Variants in TCF3 observed in about 807,000 individuals in gnomAD.
The protein encoded by TCF3 is transcription factor E2-alpha.
In TCF3, 54 loss-of-function variants were observed where a neutral mutation model predicts 72.3. The observed-to-expected ratio is 0.75, with a 90% confidence interval of 0.60 to 0.94. TCF3 has a LOEUF of 0.94. Among genes scored for constraint, TCF3 ranks in the 40% least tolerant of loss-of-function variants. TCF3 has a pLI of 0.00. For missense variants in TCF3, 1,078 were observed against 934.4 expected (o/e 1.15, Z -2.00); for synonymous variants, 525 against 412.6 (o/e 1.27, Z -3.30).
chr19:1,632,430 T>C (rs761015530), intron 3 of TCF3, 25 bp from the exon 4 acceptor site: 76 of 1,574,332 alleles, frequency 4.8e-5, no homozygotes, highest in Non-Finnish European at 6.2e-5. Flanking sequence ...GAGAGAGTTA[T>C]GGGTCACCCT....
At chr19:1,631,076 A>T (rs538152493) in intron 5 of TCF3, among the ~76,000 whole-genome samples, 3 of 152,264 alleles carry the variant, frequency 2.0e-5, no homozygotes, top group African/African-American at 7.2e-5. Context: ...GGGCTGGAAT[A>T]TACCCAAGAC....
chr19:1,642,103 G>A (rs2065330025), intron 3 of TCF3, among the ~76,000 whole-genome samples: 1 of 150,950 alleles, frequency 6.6e-6, no homozygotes, highest in South Asian at 2.1e-4. Flanking sequence ...CTTAAAGAAG[G>A]TGCATGTCTC....
intron 2 of TCF3, among the ~76,000 whole-genome samples, chr19:1,649,930 T>C (rs1356798978): frequency 6.6e-6 from 1 of 152,188 alleles, no homozygotes; most frequent in Non-Finnish European, 1.5e-5. Context: ...GGACTCAGTT[T>C]CCCCATCTGT....
chr19:1,618,038 C>T (rs757691322), intron 16 of TCF3, among the ~76,000 whole-genome samples: 1 of 152,134 alleles, frequency 6.6e-6, no homozygotes, highest in Non-Finnish European at 1.5e-5. Context: ...GCCAGGACAG[C>T]GCCCACAATG....
At chr19:1,651,808 C>CCG (rs1568542669) in intron 1 of TCF3, among the ~76,000 whole-genome samples, 1 of 151,398 alleles carries the variant, frequency 6.6e-6, no homozygotes, top group African/African-American at 2.4e-5. Flanking sequence ...CGCCCCCCCC[C>CCG]GGCCCGCCCG....
intron 7 of TCF3, among the ~76,000 whole-genome samples, 180 bp downstream of exon 7, chr19:1,625,396 C>T (rs2062760846): frequency 6.6e-6 from 1 of 152,240 alleles, no homozygotes; most frequent in Non-Finnish European, 1.5e-5. Flanking sequence ...CCCGCCGGCC[C>T]CTGCCTCGAC....
chr19:1,611,591 G>A lies in TCF3; in HGVS notation c.*116C>T. The A allele has an allele frequency of 7.1e-7, 1 of 1,398,730 alleles. No individual in the cohort carries two copies. Among genetic ancestry groups the A allele is most frequent in the Non-Finnish European group, 9.6e-7 (1 of 1,044,272 alleles). The allele number at this position is 1,398,730 out of a possible 1,614,324, so 86.6% of individuals were successfully genotyped here. On this transcript the variant is annotated 3_prime_UTR_variant, in exon 19 of 19. Coordinates refer to ENST00000262965, the MANE Select transcript of TCF3 (RefSeq NM_003200.5). ...CTTGTCAGGTTGGTGTTGGCTCGAT[G>A]CTGACAACAGGTGTGTGAGGTGTGG...
intron 3 of TCF3, among the ~76,000 whole-genome samples, chr19:1,637,477 G>C (rs1043333136): frequency 6.6e-6 from 1 of 152,206 alleles, no homozygotes; most frequent in Admixed American, 6.5e-5. Context: ...ACAACTCAGA[G>C]AAACAGGGCC....
intron 8 of TCF3, among the ~76,000 whole-genome samples, chr19:1,623,308 G>A (rs1599638823): frequency 6.6e-6 from 1 of 152,130 alleles, no homozygotes; most frequent in African/African-American, 2.4e-5. Flanking sequence ...GCGAGGCCTG[G>A]TAGGGAGGCA....
intron 5 of TCF3, among the ~76,000 whole-genome samples, chr19:1,631,607 G>A (rs1261172118): frequency 6.6e-6 from 1 of 152,074 alleles, no homozygotes; most frequent in Non-Finnish European, 1.5e-5. Flanking sequence ...GGGCCCCCCA[G>A]GGAAAGAGGG....
chr19:1,629,352 A>G lies in TCF3; in HGVS notation c.299-1926T>C, dbSNP rs533207013. ...GGCTCCCCCAAAGTGCCCAGCATTC[A>G]GCCTTCAGGCCAGGGTTCATTCGCG... On this transcript the variant is annotated intron_variant, in intron 5 of 18. Transcript: ENST00000262965. Among the ~76,000 whole-genome samples, 19 of 151,526 alleles carry G rather than the reference A, an allele frequency of 1.3e-4. 1 individual carries two copies. In the South Asian group the frequency reaches 3.9e-3, roughly 31 times the overall value.
rs1169612975 is a variant in TCF3, at chr19:1,609,633, G to T, written c.*2074C>A. The T allele has an allele frequency of 8.9e-6, 2 of 223,658 alleles. No individual in the cohort carries two copies. Among genetic ancestry groups the T allele is most frequent in the Non-Finnish European group, 1.8e-5 (2 of 112,400 alleles). The allele number at this position is 223,658 out of a possible 1,614,324, so 13.9% of individuals were successfully genotyped here. A position where few individuals can be genotyped will look rare whatever the true frequency, so the allele number is the denominator to read the frequency against. On this transcript the variant is annotated 3_prime_UTR_variant, in exon 19 of 19. Coordinates refer to ENST00000262965, the MANE Select transcript of TCF3 (RefSeq NM_003200.5). ...AGGGCCAGGAGCAAAACAAGAGGGA[G>T]AGGCAAGTTCCCTTAAGAGATCAAA...
At chr19:1,627,450 G>A (rs372545844) in intron 5 of TCF3, 24 bp from the exon 6 acceptor site, 7 of 1,610,180 alleles carry the variant, frequency 4.3e-6, no homozygotes, top group African/African-American at 1.3e-5. Flanking sequence ...AGGAAGGTTA[G>A]TGGGAGGCGA....
intron 15 of TCF3, 26 bp downstream of exon 15, chr19:1,619,290 C>T (rs1454366751): frequency 2.6e-6 from 4 of 1,567,758 alleles, no homozygotes; most frequent in Non-Finnish European, 3.4e-6. Flanking sequence ...GCCCACTGCC[C>T]AGCTCCACCC....
chr19:1,626,054 T>G (rs1461897403), intron 6 of TCF3, among the ~76,000 whole-genome samples: 1 of 152,236 alleles, frequency 6.6e-6, no homozygotes, highest in Non-Finnish European at 1.5e-5. Context: ...TTTTGTTTTG[T>G]AAAGCCCTCG....
intron 18 of TCF3, chr19:1,612,202 C>T: frequency 6.4e-7 from 1 of 1,569,724 alleles, no homozygotes; most frequent in Non-Finnish European, 8.7e-7. Flanking sequence ...GGCCGGGGAG[C>T]CTACCTCGCA....
rs1327127597 is a variant in TCF3 at position 1,652,535 on chromosome 19, C to T, written c.-275G>A. 2 of 144,748 alleles carry T rather than the reference C, an allele frequency of 1.4e-5. No individual in the cohort carries two copies. Among genetic ancestry groups the T allele is most frequent in the African/African-American group, 2.5e-5 (1 of 40,416 alleles). The allele number at this position is 144,748 out of a possible 1,614,324, so 9.0% of individuals were successfully genotyped here. ...AGCGGCGTGCGCGGTGCCCGCGGTG[C>T]CCGCCGCCGCGTCGGCTCCGGCCCG... On this transcript the variant is annotated 5_prime_UTR_variant, in exon 1 of 19. Transcript: ENST00000262965.
In TCF3 at chr19:1,636,808, T is replaced by A. The variant is rs530177662; in HGVS notation, c.146-4403A>T. ...ACAGAGCCCTTCCTTGTTGGGGGGC[T>A]GACGAGATCCCGCAAAGCCTCCCAC... is the stretch of plus-strand genomic sequence containing the variant. On this transcript the variant is annotated intron_variant, in intron 3 of 18. Coordinates refer to ENST00000262965, the MANE Select transcript of TCF3 (RefSeq NM_003200.5). Among the ~76,000 whole-genome samples the A allele has an allele frequency of 3.9e-5, 6 of 152,140 alleles. No individual in the cohort carries two copies. The East Asian group carries it at 1.2e-3, about 30-fold the overall frequency.
chr19:1,633,984 G>A (rs975236519), intron 3 of TCF3, among the ~76,000 whole-genome samples: 5 of 152,194 alleles, frequency 3.3e-5, no homozygotes, highest in African/African-American at 9.7e-5. Context: ...CTGAGCAAAC[G>A]GGAGGCTCCT....
Sources: allele counts gnomAD v4.1 joint callset (sites outside exome capture counted in the v4.1 genomes callset), GRCh38; gene constraint gnomAD v4.1.1; transcripts MANE v1.5; gene names NCBI Gene and HGNC (gene_info 2026-07-23, HGNC 2026-07-21).